Variants in ANKMY1 observed in about 807,000 individuals in gnomAD.
ANKMY1 encodes the protein ankyrin repeat and MYND domain containing 1, also known as ankyrin repeat and MYND domain-containing protein 1.
ANKMY1 carries 98 observed loss-of-function variants against 102.0 expected under a neutral mutation model. The ratio of observed to expected loss-of-function variants is 0.96; its 90% confidence interval spans 0.82 to 1.14. The LOEUF (loss-of-function observed/expected upper bound fraction) is 1.14. ANKMY1 is among the 50% of genes most tolerant of loss of function. ANKMY1 has a pLI of 0.00. For missense variants in ANKMY1, 1,330 were observed against 1,347.6 expected (o/e 0.99, Z 0.20); for synonymous variants, 582 against 559.9 (o/e 1.04, Z -0.56).
At chr2:240,476,488 C>T (rs1350905860), downstream of ANKMY1, among the ~76,000 whole-genome samples, 3 of 151,994 alleles carry the variant, frequency 2.0e-5, no homozygotes, top group Non-Finnish European at 4.4e-5. Context: ...CACAATTCAT[C>T]TGGAAGAAAA....
chr2:240,518,654 A>G lies in ANKMY1; in HGVS notation c.2004+1708T>C, dbSNP rs78000315. On this transcript the variant is annotated intron_variant, in intron 9 of 17. Transcript: ENST00000401804. ...ATATTTTAATTTTTAAAAACTTTCT[A>G]TTTGAAAGATAAATGTGTAAATAAT... Among the ~76,000 whole-genome samples the G allele has an allele frequency of 5.4e-3, 829 of 152,298 alleles. 10 individuals are homozygous for G. Among genetic ancestry groups the G allele is most frequent in the African/African-American group, 0.019 (783 of 41,554 alleles).
At chr2:240,476,449 C>G (rs925070956), downstream of ANKMY1, among the ~76,000 whole-genome samples, 2 of 152,168 alleles carry the variant, frequency 1.3e-5, no homozygotes, top group South Asian at 4.1e-4. Flanking sequence ...TAAGTCCCAA[C>G]GAGACATTTT....
upstream of ANKMY1, chr2:240,560,433 G>C (rs550905081): frequency 2.5e-6 from 1 of 401,876 alleles, no homozygotes; most frequent in Non-Finnish European, 4.1e-6. Context: ...GGGACGCAGA[G>C]CGGTCCAAGG....
intron 9 of ANKMY1, among the ~76,000 whole-genome samples, chr2:240,519,201 C>T (rs1340914888): frequency 1.2e-4 from 19 of 152,240 alleles, no homozygotes; most frequent in Admixed American, 6.5e-4. Context: ...CATCTGGAAT[C>T]TTCACAGCCA....
At chr2:240,560,915 C>T (rs2092926563), upstream of ANKMY1, 2 of 1,535,314 alleles carry the variant, frequency 1.3e-6, no homozygotes, top group Admixed American at 4.0e-5. Flanking sequence ...CGGCTGAGGA[C>T]CTGCTGGCGC....
intron 17 of ANKMY1, 86 bp downstream of exon 17, chr2:240,480,851 G>A: frequency 1.4e-6 from 2 of 1,477,708 alleles, no homozygotes; most frequent in Non-Finnish European, 1.8e-6. Flanking sequence ...TGGGAAATGA[G>A]GGTGCCCCTC....
chr2:240,478,513 G>A (rs1474039158), downstream of ANKMY1, among the ~76,000 whole-genome samples: 1 of 151,978 alleles, frequency 6.6e-6, no homozygotes. Flanking sequence ...ACACAGTTAC[G>A]ACCCTCCCAG....
chr2:240,485,935 T>C (rs939834840), intron 15 of ANKMY1, among the ~76,000 whole-genome samples: 1 of 152,238 alleles, frequency 6.6e-6, no homozygotes, highest in African/African-American at 2.4e-5. Context: ...TTCAGACCTA[T>C]ACTAACAGCA....
At chr2:240,558,731 C>T (rs1386168303), upstream of ANKMY1, 1 of 152,242 alleles carries the variant, frequency 6.6e-6, no homozygotes, top group Non-Finnish European at 1.5e-5. Context: ...GCCCTCCCCA[C>T]TGGCTAGCTT....
chr2:240,480,957 CA>C lies in ANKMY1; in HGVS notation c.3025del (p.Cys1009AlafsTer8). On this transcript the variant is annotated frameshift_variant, in exon 17 of 18. Coordinates refer to ENST00000401804, the MANE Select transcript of ANKMY1 (RefSeq NM_001282771.3). LOFTEE classifies it low-confidence loss of function (END_TRUNC). ...CCTACCGATGGCCACCAGGTCCCCG[CA>C]GTCCTTCTTGTGGAACTCGGTCCAG... ...KAWTEFHKKD[C>X]GDLVAIVTQL... The C allele has an allele frequency of 6.2e-7, 1 of 1,611,996 alleles. No homozygotes were observed. Among genetic ancestry groups the C allele is most frequent in the Non-Finnish European group, 8.5e-7 (1 of 1,178,288 alleles).
intron 9 of ANKMY1, among the ~76,000 whole-genome samples, chr2:240,517,997 A>T (rs2081485504): frequency 6.6e-6 from 1 of 151,926 alleles, no homozygotes; most frequent in Non-Finnish European, 1.5e-5. Context: ...AGCCGCAGGG[A>T]CACCCATGGT....
Position 240,511,982 on chromosome 2 carries a change from C to T in ANKMY1, c.2165G>A (p.Ser722Asn), listed in dbSNP as rs778901962. 2.6e-6 allele frequency: 4 copies of T among 1,560,398 alleles called. No homozygotes were observed. The highest frequency in any genetic ancestry group is 2.6e-6 in the Non-Finnish European group (3 of 1,162,118). The change falls in exon 11 of 18, where the codon AGT becomes AAT. Residue 722 changes from serine (S) to asparagine (N), a missense_variant. Physicochemically the swap from Ser to Asn is conservative, Grantham distance 46. Transcript: ENST00000401804. The stretch of plus-strand genomic sequence containing the variant: ...GCCTGGCTCATTGCTGAGCTTCAGA[C>T]TTGAGGGCAGCAGGTCCAGCTGTGT... ...KPGKLDLLPS[S>N]LKLSNEPGPP...
chr2:240,511,518 T>A (rs1282945729), intron 11 of ANKMY1, among the ~76,000 whole-genome samples: 1 of 152,164 alleles, frequency 6.6e-6, no homozygotes, highest in Non-Finnish European at 1.5e-5. Flanking sequence ...AGACCAACCC[T>A]GAGGTCCTGA....
chr2:240,558,110 C>T (rs1185054389), upstream of ANKMY1: 1 of 450,684 alleles, frequency 2.2e-6, no homozygotes. Flanking sequence ...CCCTCTGTGA[C>T]TTCAGGGGCT....
intron 4 of ANKMY1, among the ~76,000 whole-genome samples, chr2:240,536,671 T>A (rs1164634555): frequency 6.6e-6 from 1 of 152,204 alleles, no homozygotes; most frequent in Non-Finnish European, 1.5e-5. Flanking sequence ...GCCTTTCTCT[T>A]CTCTACAAGA....
Position 240,520,534 on chromosome 2 carries a change from C to T in ANKMY1, c.1833-1G>A, listed in dbSNP as rs1195361955. 1 of 1,610,226 alleles carries T rather than the reference C, an allele frequency of 6.2e-7. No individual in the cohort carries two copies. Among genetic ancestry groups the T allele is most frequent in the Non-Finnish European group, 8.5e-7 (1 of 1,178,310 alleles). ...GATGGTCCGCCAGCGCTTCCTCCGC[C>T]TGAAAAAGACGGTGCGCCCGTGGGC... On this transcript the variant is annotated splice_acceptor_variant, in intron 8 of 17. Coordinates refer to ENST00000401804, the MANE Select transcript of ANKMY1 (RefSeq NM_001282771.3). LOFTEE classifies it high-confidence loss of function. This position sits in a 1 kb window ranked among gnomAD's most constrained non-coding sequence, Gnocchi z 4.8.
chr2:240,517,781 A>G (rs2152292763), intron 9 of ANKMY1, among the ~76,000 whole-genome samples: 2 of 152,302 alleles, frequency 1.3e-5, no homozygotes, highest in Middle Eastern at 3.4e-3. Flanking sequence ...ACTGCAGCCT[A>G]GGTGACAGAG....
At chr2:240,479,763 C>G in intron 17 of ANKMY1, 108 bp from the exon 18 acceptor site, 2 of 931,966 alleles carry the variant, frequency 2.1e-6, no homozygotes, top group Non-Finnish European at 3.4e-6. Flanking sequence ...GGACTGTGCT[C>G]TGTCTAGAGC....
intron 4 of ANKMY1, among the ~76,000 whole-genome samples, chr2:240,531,026 T>C (rs527852247): frequency 6.6e-6 from 1 of 151,196 alleles, no homozygotes; most frequent in African/African-American, 2.4e-5. Context: ...TCAGAATATA[T>C]ATAAAGAACT....
Sources: gnomAD v4.1 joint callset for allele counts (sites outside exome capture counted in the v4.1 genomes callset) on GRCh38, gnomAD v4.1.1 for gene constraint, Gnocchi (gnomAD v3.1) non-coding constraint, MANE v1.5 for transcripts, NCBI Gene and HGNC (gene_info 2026-07-23, HGNC 2026-07-21) for gene names.